ABTB2: variants seen among roughly 807,000 people sequenced by gnomAD.
The protein encoded by ABTB2 is ankyrin repeat and BTB/POZ domain-containing protein 2.
In ABTB2, 56 loss-of-function variants were observed where a neutral mutation model predicts 104.1. The ratio of observed to expected loss-of-function variants is 0.54; its 90% CI spans 0.43 to 0.67. The LOEUF is 0.67. ABTB2 is among the 30% of genes least tolerant of loss of function. ABTB2 has a pLI of 0.00. For synonymous variants in ABTB2, 606 were observed against 608.2 expected (o/e 1.00, Z 0.05); for missense variants, 1,279 against 1,407.7 (o/e 0.91, Z 1.46).
rs530775154 is a variant in ABTB2, at chr11:34,168,634, G to T, written c.1564-642C>A. Among the ~76,000 whole-genome samples, 18 of 152,352 alleles carry T rather than the reference G, an allele frequency of 1.2e-4. No homozygotes were observed. In the South Asian group the frequency reaches 1.9e-3, roughly 16 times the overall value. On this transcript the variant is annotated intron_variant, in intron 5 of 16. Transcript: ENST00000435224. ...CTGACTGCCCAAAGTCACACAACTA[G>T]CGAGAGGTTGAACTCGGGGCAGGAA...
chr11:34,266,482 C>G (rs1460437923), intron 1 of ABTB2, among the ~76,000 whole-genome samples: 1 of 152,150 alleles, frequency 6.6e-6, no homozygotes, highest in Non-Finnish European at 1.5e-5. Flanking sequence ...CCCTGCCAGC[C>G]CTGACACTAT....
intron 1 of ABTB2, among the ~76,000 whole-genome samples, chr11:34,287,139 G>A (rs572595381): frequency 1.7e-4 from 25 of 148,692 alleles, no homozygotes; most frequent in Middle Eastern, 3.5e-3. Context: ...TTGAGCCCAG[G>A]AGTTCAAGAC....
intron 1 of ABTB2, among the ~76,000 whole-genome samples, chr11:34,249,567 G>C (rs1460909322): frequency 1.3e-5 from 2 of 152,170 alleles, no homozygotes; most frequent in African/African-American, 2.4e-5. Flanking sequence ...TTCCAGAAAG[G>C]GGGAGGTCAT....
chr11:34,224,233 C>T (rs893673554), intron 1 of ABTB2, among the ~76,000 whole-genome samples: 4 of 152,118 alleles, frequency 2.6e-5, no homozygotes, highest in Admixed American at 6.5e-5. Flanking sequence ...CTGGACTCAA[C>T]TCCTGGACTC....
chr11:34,195,571 G>A (rs915256234), intron 3 of ABTB2, among the ~76,000 whole-genome samples: 5 of 152,216 alleles, frequency 3.3e-5, no homozygotes, highest in Non-Finnish European at 7.3e-5. Context: ...CCTACTATGC[G>A]TGTACTGGGC....
At chr11:34,178,585 G>A (rs1852985235) in intron 3 of ABTB2, among the ~76,000 whole-genome samples, 1 of 152,222 alleles carries the variant, frequency 6.6e-6, no homozygotes. Context: ...CCCGCTTGTT[G>A]CGTTTCCCGT....
At chr11:34,221,379 A>G (rs1289492120) in intron 1 of ABTB2, among the ~76,000 whole-genome samples, 1 of 152,134 alleles carries the variant, frequency 6.6e-6, no homozygotes, top group East Asian at 1.9e-4. Flanking sequence ...ATACAGTCAC[A>G]CTCTCAGGTA....
At chr11:34,207,004 C>T (rs1047366476) in intron 1 of ABTB2, among the ~76,000 whole-genome samples, 3 of 152,218 alleles carry the variant, frequency 2.0e-5, no homozygotes, top group Non-Finnish European at 4.4e-5. Flanking sequence ...TTGGGCTCTC[C>T]CCCGCAGCCC....
chr11:34,213,955 A>G (rs1303814491), intron 1 of ABTB2, among the ~76,000 whole-genome samples: 3 of 152,168 alleles, frequency 2.0e-5, no homozygotes, highest in Non-Finnish European at 4.4e-5. Context: ...GATGTAACAC[A>G]TGAAGAACTT....
Position 34,204,650 on chromosome 11 carries a change from G to A in ABTB2, c.924C>T (p.Gly308=), listed in dbSNP as rs769012556. The A allele has an allele frequency of 2.0e-5, 33 of 1,613,854 alleles. No homozygotes were observed. Among genetic ancestry groups the A allele is most frequent in the Non-Finnish European group, 2.4e-5 (28 of 1,179,986 alleles). Residue 308 remains glycine (G), a synonymous_variant, in exon 2 of 17, where the codon GGC becomes GGT. Transcript: ENST00000435224. ...CTCGCTCGTCATGGCCCAGGGACCC[G>A]CCGTTGTAGGGGCTGAAGTATGCGG... ...SLPAYFSPYN[G]GSLGHDERAD...
At chr11:34,235,664 T>C (rs1404751270) in intron 1 of ABTB2, among the ~76,000 whole-genome samples, 2 of 152,130 alleles carry the variant, frequency 1.3e-5, no homozygotes, top group South Asian at 2.1e-4. Context: ...CAGGACCTGA[T>C]TGGGGATCTC....
chr11:34,258,605 CTTTT>C (rs35853565), intron 1 of ABTB2, among the ~76,000 whole-genome samples: 3 of 95,164 alleles, frequency 3.2e-5, no homozygotes, highest in African/African-American at 4.3e-5. Flanking sequence ...AGTGCCTGCT[CTTTT>C]TTTTTTTTTT....
intron 1 of ABTB2, among the ~76,000 whole-genome samples, chr11:34,269,138 A>G (rs797021749): frequency 2.6e-4 from 39 of 152,284 alleles, no homozygotes; most frequent in African/African-American, 9.1e-4. Context: ...ACGATGGAGA[A>G]ATGCCCACTG....
chr11:34,184,851 G>A (rs2095309872), intron 3 of ABTB2, among the ~76,000 whole-genome samples: 1 of 152,256 alleles, frequency 6.6e-6, no homozygotes, highest in Admixed American at 6.5e-5. Context: ...CTTCTCCCAT[G>A]AGCGGTGTTT....
intron 1 of ABTB2, among the ~76,000 whole-genome samples, chr11:34,261,991 G>A (rs1368526304): frequency 6.6e-6 from 1 of 152,160 alleles, no homozygotes; most frequent in Non-Finnish European, 1.5e-5. Flanking sequence ...AGGCCTTCCA[G>A]CCCTGAAATG....
intron 1 of ABTB2, among the ~76,000 whole-genome samples, chr11:34,282,968 G>A (rs1854465240): frequency 1.3e-5 from 2 of 151,754 alleles, no homozygotes; most frequent in Non-Finnish European, 2.9e-5. Flanking sequence ...GAGTGCAGTG[G>A]CACGATCTCG....
intron 1 of ABTB2, among the ~76,000 whole-genome samples, chr11:34,274,603 T>A (rs894107482): frequency 6.6e-6 from 1 of 151,860 alleles, no homozygotes; most frequent in East Asian, 1.9e-4. Flanking sequence ...ATGTATATAT[T>A]TTTTTCTTTT....
rs746564433 is a variant in ABTB2 at position 34,159,987 on chromosome 11, T to A, written c.2525A>T (p.Lys842Met). 6.2e-7 allele frequency: 1 copy of A among 1,613,682 alleles called. No homozygotes were observed. Among genetic ancestry groups the A allele is most frequent in the East Asian group, 2.2e-5 (1 of 44,886 alleles). Reference sequence around the variant, plus strand: ...CAGGAAGGTCACATCTGACATCTCCTTATTGTTCAAAAAGTGTGGATCTGT... The same window carrying A: ...CAGGAAGGTCACATCTGACATCTCCATATTGTTCAAAAAGTGTGGATCTGT... ...ARLDPHFLNN[K>M]EMSDVTFLVE... The change falls in exon 13 of 17, where the codon AAG becomes ATG. Residue 842 changes from lysine (K) to methionine (M), a missense_variant. Transcript: ENST00000435224.
chr11:34,187,834 TAAA>T (rs1853121922), intron 3 of ABTB2, among the ~76,000 whole-genome samples: 1 of 152,082 alleles, frequency 6.6e-6, no homozygotes, highest in Non-Finnish European at 1.5e-5. Flanking sequence ...TAAGATGGAC[TAAA>T]GAGCAGGGAC....
Sources: allele counts gnomAD v4.1 joint callset (sites outside exome capture counted in the v4.1 genomes callset), GRCh38; gene constraint gnomAD v4.1.1; transcripts MANE v1.5; gene names NCBI Gene and HGNC (gene_info 2026-07-23, HGNC 2026-07-21).